The following MYRIP variants were observed in gnomAD, a reference collection of about 807,000 sequenced individuals.
The protein encoded by MYRIP is rab effector MyRIP.
A neutral mutation model predicts 98.0 loss-of-function variants in MYRIP; 49 were observed. The observed-to-expected ratio is 0.50, with a 90% CI of 0.40 to 0.63. The LOEUF (loss-of-function observed/expected upper bound fraction) is 0.63. Among genes scored for constraint, MYRIP ranks in the 30% least tolerant of loss-of-function variants. The pLI is 0.00. For missense variants in MYRIP, 1,004 were observed against 1,058.2 expected, an observed-to-expected ratio of 0.95 and a Z score of 0.71; for synonymous variants, 404 against 409.5, an observed-to-expected ratio of 0.99 and a Z score of 0.16.
intron 2 of MYRIP, among the ~76,000 whole-genome samples, chr3:40,011,192 G>A (rs1393500718): frequency 6.6e-6 from 1 of 152,132 alleles, no homozygotes; most frequent in East Asian, 1.9e-4. Flanking sequence ...CTCCCTCTAA[G>A]CATCCTATGC....
chr3:40,258,306 C>A lies in MYRIP; in HGVS notation c.*140C>A. 2.1e-6 allele frequency: 2 copies of A among 945,816 alleles called. No homozygotes were observed. Among genetic ancestry groups the A allele is most frequent in the Non-Finnish European group, 3.3e-6 (2 of 597,326 alleles). The allele number at this position is 945,816 out of a possible 1,614,324, so 58.6% of individuals were successfully genotyped here. The stretch of plus-strand genomic sequence containing the variant: ...GGCCACAGTGCACCATTGCACAGGG[C>A]TGTCCTGATACCTCATCCAGAAAGC... On this transcript the variant is annotated 3_prime_UTR_variant, in exon 17 of 17. Transcript: ENST00000302541.
At chr3:39,886,586 CAAAA>C (rs1943309821) in intron 1 of MYRIP, among the ~76,000 whole-genome samples, 2 of 151,764 alleles carry the variant, frequency 1.3e-5, no homozygotes, top group Middle Eastern at 3.4e-3. Context: ...TCAAAAGAGA[CAAAA>C]AAGGCCATTA....
intron 9 of MYRIP, among the ~76,000 whole-genome samples, chr3:40,183,457 C>T (rs1447445643): frequency 1.3e-5 from 2 of 152,194 alleles, no homozygotes; most frequent in Non-Finnish European, 2.9e-5. Flanking sequence ...TGTTGAGTCA[C>T]GTAATCCCTC....
At chr3:39,981,603 G>C (rs1354163055) in intron 2 of MYRIP, among the ~76,000 whole-genome samples, 1 of 152,090 alleles carries the variant, frequency 6.6e-6, no homozygotes, top group Admixed American at 6.6e-5. Flanking sequence ...CATGTTGTTG[G>C]GGTCTTGCTG....
At chr3:40,056,272 T>A (rs1298572030) in intron 3 of MYRIP, among the ~76,000 whole-genome samples, 2 of 152,216 alleles carry the variant, frequency 1.3e-5, no homozygotes, top group African/African-American at 4.8e-5. Flanking sequence ...CCTAGCAGTG[T>A]TTATTCTACA....
intron 10 of MYRIP, among the ~76,000 whole-genome samples, chr3:40,204,226 TATATATA>T (rs369487521): frequency 0.12 from 3,828 of 31,006 alleles, 321 homozygotes; most frequent in Non-Finnish European, 0.17. Flanking sequence ...TATATATAAA[TATATATA>T]TATTTTTTTT....
chr3:40,197,959 C>T (rs1341095783), intron 10 of MYRIP, among the ~76,000 whole-genome samples: 1 of 152,158 alleles, frequency 6.6e-6, no homozygotes, highest in Non-Finnish European at 1.5e-5. Context: ...TACTTACTGC[C>T]TCGCATTATG....
chr3:39,852,533 A>ACT (rs1942159891), intron 1 of MYRIP, among the ~76,000 whole-genome samples: 1 of 150,866 alleles, frequency 6.6e-6, no homozygotes, highest in African/African-American at 2.5e-5. Context: ...TTATTTCATC[A>ACT]CCCCACTCCC....
At chr3:40,164,466 C>T (rs900289137) in intron 5 of MYRIP, among the ~76,000 whole-genome samples, 1 of 152,170 alleles carries the variant, frequency 6.6e-6, no homozygotes, top group African/African-American at 2.4e-5. Context: ...TCAGTTTTTG[C>T]TCTTAAGGCC....
intron 1 of MYRIP, among the ~76,000 whole-genome samples, chr3:39,893,291 T>A (rs1343548265): frequency 6.6e-6 from 1 of 152,140 alleles, no homozygotes; most frequent in Non-Finnish European, 1.5e-5. Flanking sequence ...TAAATATAAT[T>A]TTCTTTCTGA....
At chr3:40,017,944 G>A (rs1946904923) in intron 2 of MYRIP, among the ~76,000 whole-genome samples, 1 of 152,138 alleles carries the variant, frequency 6.6e-6, no homozygotes, top group African/African-American at 2.4e-5. Flanking sequence ...GGGTGTTACT[G>A]TGCATTTTCA....
At chr3:39,880,908 A>G (rs1485244581) in intron 1 of MYRIP, among the ~76,000 whole-genome samples, 2 of 152,082 alleles carry the variant, frequency 1.3e-5, no homozygotes, top group African/African-American at 4.8e-5. Context: ...TTTTTGCATA[A>G]TTTTAAAAAT....
At chr3:40,200,959 C>G (rs1951542958) in intron 10 of MYRIP, among the ~76,000 whole-genome samples, 1 of 152,236 alleles carries the variant, frequency 6.6e-6, no homozygotes, top group South Asian at 2.1e-4. Context: ...GTGAAACCCA[C>G]TGTTAGTGCT....
chr3:39,855,394 C>G (rs1329693834), intron 1 of MYRIP, among the ~76,000 whole-genome samples: 1 of 152,004 alleles, frequency 6.6e-6, no homozygotes, highest in Non-Finnish European at 1.5e-5. Flanking sequence ...TTGTAAAGCT[C>G]CCAAAAGTTT....
intron 1 of MYRIP, among the ~76,000 whole-genome samples, chr3:39,820,033 C>T (rs1412383375): frequency 3.9e-5 from 6 of 152,124 alleles, no homozygotes; most frequent in South Asian, 4.1e-4. Flanking sequence ...GATCTGCAGC[C>T]GGGATACACA....
intron 2 of MYRIP, among the ~76,000 whole-genome samples, chr3:39,930,256 A>G (rs1319037214): frequency 6.6e-6 from 1 of 152,018 alleles, no homozygotes; most frequent in Non-Finnish European, 1.5e-5. Context: ...CCTGGTGGGT[A>G]TATCATTGTG....
intron 9 of MYRIP, among the ~76,000 whole-genome samples, chr3:40,185,482 G>A (rs1049901709): frequency 3.3e-5 from 5 of 152,156 alleles, no homozygotes; most frequent in South Asian, 4.1e-4. Flanking sequence ...CAGGATCCCC[G>A]AGGGGTGTTC....
intron 2 of MYRIP, among the ~76,000 whole-genome samples, chr3:39,996,805 T>A (rs28770035): frequency 0.1 from 15,360 of 152,074 alleles, 1,351 homozygotes; most frequent in African/African-American, 0.23. Flanking sequence ...TCAGCAAATG[T>A]AAAAGAACAG....
intron 3 of MYRIP, among the ~76,000 whole-genome samples, chr3:40,067,022 A>T (rs1162990425): frequency 6.6e-6 from 1 of 152,140 alleles, no homozygotes; most frequent in Non-Finnish European, 1.5e-5. Context: ...TTTACTATCA[A>T]TATTTATTAC....
Sources: allele counts gnomAD v4.1 joint callset (sites outside exome capture counted in the v4.1 genomes callset), GRCh38; gene constraint gnomAD v4.1.1; transcripts MANE v1.5; gene names NCBI Gene and HGNC (gene_info 2026-07-23, HGNC 2026-07-21).